Variants in MGMT observed in about 807,000 individuals in gnomAD.
MGMT encodes methylated-DNA--protein-cysteine methyltransferase.
Under a neutral mutation model 15.9 loss-of-function variants are expected in MGMT, and 14 were observed. The ratio of observed to expected loss-of-function variants is 0.88; its 90% CI spans 0.58 to 1.37. MGMT has a LOEUF of 1.37. Among genes scored for constraint, MGMT ranks in the 40% most tolerant of loss-of-function variants. The pLI is 0.00. For synonymous variants in MGMT, 130 were observed against 118.2 expected, an observed-to-expected ratio of 1.10 and a Z score of -0.65; for missense variants, 282 against 268.1, an observed-to-expected ratio of 1.05 and a Z score of -0.36.
At chr10:129,544,481 A>G (rs770049172) in intron 2 of MGMT, among the ~76,000 whole-genome samples, 5 of 152,312 alleles carry the variant, frequency 3.3e-5, no homozygotes, top group Admixed American at 2.0e-4. Context: ...CGTGCACAGT[A>G]TCCTGTCTAG....
chr10:129,506,218 C>T (rs1034710072), intron 1 of MGMT, among the ~76,000 whole-genome samples: 1 of 152,124 alleles, frequency 6.6e-6, no homozygotes, highest in African/African-American at 2.4e-5. Flanking sequence ...AATTCTCTCT[C>T]CTGCAATGTC....
chr10:129,628,978 A>AC, intron 2 of MGMT, among the ~76,000 whole-genome samples: 1 of 151,926 alleles, frequency 6.6e-6, no homozygotes, highest in Admixed American at 6.6e-5. Flanking sequence ...TCCCAGCGCC[A>AC]CTCCCGGGGG....
At chr10:129,655,345 G>A (rs1164641713) in intron 2 of MGMT, among the ~76,000 whole-genome samples, 1 of 152,236 alleles carries the variant, frequency 6.6e-6, no homozygotes, top group African/African-American at 2.4e-5. Context: ...GGAAGTCAAT[G>A]TTTATCTGTC....
At chr10:129,735,464 A>G (rs1848549608) in intron 3 of MGMT, among the ~76,000 whole-genome samples, 1 of 152,012 alleles carries the variant, frequency 6.6e-6, no homozygotes, top group Non-Finnish European at 1.5e-5. Context: ...TTTCTTTATT[A>G]GTCTTGCTAG....
intron 2 of MGMT, among the ~76,000 whole-genome samples, chr10:129,674,457 G>A (rs151312745): frequency 4.8e-4 from 73 of 152,294 alleles, no homozygotes; most frequent in African/African-American, 1.7e-3. Context: ...TCTAGGGACA[G>A]CTGTGGTTTG....
chr10:129,722,257 A>T (rs978556548), intron 3 of MGMT, among the ~76,000 whole-genome samples: 6 of 152,222 alleles, frequency 3.9e-5, no homozygotes, highest in Admixed American at 1.3e-4. Context: ...TAATGTAATT[A>T]AAAAGTAAAT....
chr10:129,518,971 A>ATT (rs1033361827), intron 1 of MGMT, among the ~76,000 whole-genome samples: 3 of 137,874 alleles, frequency 2.2e-5, no homozygotes, highest in African/African-American at 9.2e-5. Flanking sequence ...GACTGTCCTG[A>ATT]CTCTTGGGCC....
intron 2 of MGMT, among the ~76,000 whole-genome samples, chr10:129,670,846 C>G (rs1036638997): frequency 2.0e-5 from 3 of 152,178 alleles, no homozygotes; most frequent in African/African-American, 7.2e-5. Flanking sequence ...CATGTCAGTA[C>G]TCATTGAACT....
rs150764083 is a variant in MGMT at position 129,712,943 on chromosome 10, G to A, written c.274+4900G>A. Among the ~76,000 whole-genome samples, 202 of 152,254 alleles carry A rather than the reference G, an allele frequency of 1.3e-3. 1 individual carries two copies. The highest frequency in any genetic ancestry group is 2.5e-3 in the African/African-American group (102 of 41,536). Reference sequence around the variant, plus strand: ...TCCTCACCCGAGGGTCCTAGGGCCCGTTTGGGTGTTCTTAAAATGTGCCTT... The same window carrying A: ...TCCTCACCCGAGGGTCCTAGGGCCCATTTGGGTGTTCTTAAAATGTGCCTT... On this transcript the variant is annotated intron_variant, in intron 3 of 4. Coordinates refer to ENST00000651593, the MANE Select transcript of MGMT (RefSeq NM_002412.5).
chr10:129,498,890 T>C (rs564009661), intron 1 of MGMT, among the ~76,000 whole-genome samples: 2 of 152,322 alleles, frequency 1.3e-5, no homozygotes, highest in African/African-American at 4.8e-5. Flanking sequence ...AGCTAGGGGC[T>C]GTATGTGTGT....
rs1172075993 is a variant in MGMT, at chr10:129,659,358, G to T, written c.126-48537G>T. ...GGTGGCAGAGCGAGACTCCCTGTGT[G>T]GAAAAAAAAAAAAAAGATACTCAGA... On this transcript the variant is annotated intron_variant, in intron 2 of 4. Coordinates refer to ENST00000651593, the MANE Select transcript of MGMT (RefSeq NM_002412.5). The surrounding 1 kb of genome is among the most constrained non-coding windows in gnomAD (Gnocchi z 4.1). Among the ~76,000 whole-genome samples the T allele has an allele frequency of 6.8e-6, 1 of 147,042 alleles. No individual in the cohort carries two copies. The highest frequency in any genetic ancestry group is 1.5e-5 in the Non-Finnish European group (1 of 67,592).
chr10:129,609,289 C>T (rs553889970), intron 2 of MGMT, among the ~76,000 whole-genome samples: 1 of 152,162 alleles, frequency 6.6e-6, no homozygotes, highest in East Asian at 1.9e-4. Flanking sequence ...AATCGTTGGC[C>T]CGATCTGGAG....
At chr10:129,676,773 A>G (rs905607665) in intron 2 of MGMT, among the ~76,000 whole-genome samples, 1 of 152,144 alleles carries the variant, frequency 6.6e-6, no homozygotes, top group Non-Finnish European at 1.5e-5. Context: ...AAGCAGATAC[A>G]TACATTACAT....
chr10:129,652,748 C>A (rs1847476250), intron 2 of MGMT, among the ~76,000 whole-genome samples: 1 of 152,224 alleles, frequency 6.6e-6, no homozygotes, highest in Non-Finnish European at 1.5e-5. Context: ...GCCTGCCTGC[C>A]TCTGGGAGGC....
intron 2 of MGMT, among the ~76,000 whole-genome samples, chr10:129,610,331 C>G (rs1394542412): frequency 6.6e-6 from 1 of 152,190 alleles, no homozygotes; most frequent in Non-Finnish European, 1.5e-5. Flanking sequence ...AACCCTCAAC[C>G]CTTTCTCTCT....
intron 2 of MGMT, among the ~76,000 whole-genome samples, chr10:129,564,680 TCCTCCTCCTCCTCTCCTTC>T (rs1846331958): frequency 3.3e-5 from 4 of 120,862 alleles, no homozygotes; most frequent in African/African-American, 1.3e-4. Context: ...CTCCTCTCCT[TCCTCCTCCTCCTCTCCTTC>T]CTCCTCTTCC....
chr10:129,602,034 C>A lies in MGMT; in HGVS notation c.125+65657C>A, dbSNP rs192090883. Among the ~76,000 whole-genome samples the A allele has an allele frequency of 4.6e-5, 7 of 152,130 alleles. No individual in the cohort carries two copies. In the East Asian group the frequency reaches 1.4e-3, roughly 29 times the overall value. On this transcript the variant is annotated intron_variant, in intron 2 of 4. Coordinates refer to ENST00000651593, the MANE Select transcript of MGMT (RefSeq NM_002412.5). ...CGACAGTTGCAGATGTCACATCATG[C>A]GAAAAGTTAAATCTCAGCTTTCCCC...
chr10:129,607,924 C>T (rs1023500386), intron 2 of MGMT, among the ~76,000 whole-genome samples: 4 of 152,170 alleles, frequency 2.6e-5, no homozygotes, highest in South Asian at 2.1e-4. Flanking sequence ...CCCCTCGTAC[C>T]GTGTTTCACA....
intron 2 of MGMT, among the ~76,000 whole-genome samples, chr10:129,591,158 G>A (rs751618664): frequency 3.3e-5 from 5 of 152,172 alleles, no homozygotes; most frequent in South Asian, 2.1e-4. Flanking sequence ...AGGAGAAGGC[G>A]AGACTGGCCA....
Sources: gnomAD v4.1 joint callset for allele counts (sites outside exome capture counted in the v4.1 genomes callset) on GRCh38, gnomAD v4.1.1 for gene constraint, Gnocchi (gnomAD v3.1) non-coding constraint, MANE v1.5 for transcripts, NCBI Gene and HGNC (gene_info 2026-07-23, HGNC 2026-07-21) for gene names.